RAD51B: variants seen among roughly 807,000 people sequenced by gnomAD.
The protein encoded by RAD51B is DNA repair protein RAD51 homolog 2.
RAD51B carries 38 observed loss-of-function variants against 42.2 expected under a neutral mutation model. That is an observed-to-expected ratio of 0.90 (90% CI 0.70 to 1.18). RAD51B has a LOEUF of 1.18. Among genes scored for constraint, RAD51B ranks in the 50% most tolerant of loss-of-function variants. The pLI, the probability that RAD51B is intolerant of heterozygous loss-of-function variation, is 0.00. For synonymous variants in RAD51B, 154 were observed against 145.2 expected (o/e 1.06, Z -0.43); for missense variants, 373 against 400.7 (o/e 0.93, Z 0.59).
intron 7 of RAD51B, among the ~76,000 whole-genome samples, chr14:68,118,016 C>A (rs534186018): frequency 6.6e-6 from 1 of 152,292 alleles, no homozygotes; most frequent in East Asian, 1.9e-4. Flanking sequence ...AGATTACTGA[C>A]CTTTTCACTA....
At chr14:68,504,815 G>A (rs1885192618) in intron 10 of RAD51B, among the ~76,000 whole-genome samples, 1 of 149,318 alleles carries the variant, frequency 6.7e-6, no homozygotes, top group Non-Finnish European at 1.5e-5. Context: ...CTAGACACTG[G>A]AGCCCAATCT....
At chr14:68,422,141 T>C in intron 9 of RAD51B, 1 of 1,387,920 alleles carries the variant, frequency 7.2e-7, no homozygotes, top group Non-Finnish European at 1.0e-6. Flanking sequence ...GAAGGAGACA[T>C]GGCCCAAGGG....
At chr14:68,597,450 T>C (rs1891047591), downstream of RAD51B, among the ~76,000 whole-genome samples, 1 of 152,220 alleles carries the variant, frequency 6.6e-6, no homozygotes, top group South Asian at 2.1e-4. Flanking sequence ...CACTATGGAA[T>C]ACTATGCAGC....
chr14:68,304,005 A>G (rs757085154), intron 8 of RAD51B, among the ~76,000 whole-genome samples: 9 of 152,200 alleles, frequency 5.9e-5, no homozygotes, highest in Admixed American at 6.5e-5. Flanking sequence ...CACCATCTCT[A>G]TGAAAAATAC....
intron 7 of RAD51B, among the ~76,000 whole-genome samples, chr14:68,287,173 G>T (rs990266261): frequency 1.3e-5 from 2 of 152,162 alleles, no homozygotes; most frequent in Non-Finnish European, 2.9e-5. Flanking sequence ...CTACTGGGTG[G>T]TCTATGAATC....
In RAD51B at chr14:68,129,236, C is replaced by T. The variant is rs189276784; in HGVS notation, c.757-162648C>T. ...TCAAGCCTCTTTCTACTATACCTTA[C>T]GAGTTTTCTTTGTATACTGAGGTAG... On this transcript the variant is annotated intron_variant, in intron 7 of 10. Transcript: ENST00000471583. 2.7e-4 allele frequency among the ~76,000 whole-genome samples: 41 copies of T among 152,262 alleles called. 1 individual carries two copies. The highest frequency in any genetic ancestry group is 2.4e-3 in the Admixed American group (37 of 15,296).
At chr14:67,968,037 T>C (rs1326994048) in intron 7 of RAD51B, among the ~76,000 whole-genome samples, 2 of 152,266 alleles carry the variant, frequency 1.3e-5, no homozygotes, top group Non-Finnish European at 2.9e-5. Context: ...TCTTGACTTC[T>C]GTGCACCTGC....
chr14:67,946,068 A>G (rs193218798), intron 7 of RAD51B, among the ~76,000 whole-genome samples: 41 of 152,266 alleles, frequency 2.7e-4, no homozygotes, highest in African/African-American at 9.6e-4. Context: ...AAGAACTGTA[A>G]TCTTGAGATG....
intron 11 of RAD51B, among the ~76,000 whole-genome samples, chr14:68,670,174 C>A (rs867933712): frequency 6.6e-6 from 1 of 152,176 alleles, no homozygotes; most frequent in Admixed American, 6.5e-5. Context: ...CCGACCCTTC[C>A]TTGTGACGGG....
intron 7 of RAD51B, among the ~76,000 whole-genome samples, chr14:68,128,847 A>G (rs2077827675): frequency 6.6e-6 from 1 of 152,232 alleles, no homozygotes; most frequent in African/African-American, 2.4e-5. Flanking sequence ...CTATTTTAAA[A>G]GAGTTAACAT....
chr14:68,639,323 T>C (rs1189766337), intron 10 of RAD51B, among the ~76,000 whole-genome samples: 1 of 152,204 alleles, frequency 6.6e-6, no homozygotes, highest in Non-Finnish European at 1.5e-5. Context: ...CTTCAACATG[T>C]GGCTCCACGG....
At chr14:68,082,833 CA>C (rs2076931983) in intron 7 of RAD51B, among the ~76,000 whole-genome samples, 1 of 152,124 alleles carries the variant, frequency 6.6e-6, no homozygotes, top group Admixed American at 6.6e-5. Context: ...TCTGAGCCTA[CA>C]TATTAGTGCC....
At chr14:67,980,097 C>T (rs935771105) in intron 7 of RAD51B, among the ~76,000 whole-genome samples, 37 of 151,888 alleles carry the variant, frequency 2.4e-4, no homozygotes, top group African/African-American at 8.0e-4. Flanking sequence ...ATAAAAATTC[C>T]TTAATTTTAT....
chr14:68,232,845 C>G (rs181861339), intron 7 of RAD51B, among the ~76,000 whole-genome samples: 1 of 152,278 alleles, frequency 6.6e-6, no homozygotes, highest in Non-Finnish European at 1.5e-5. Flanking sequence ...TCAAATCTCT[C>G]CAAGTTGATT....
At chr14:68,044,184 A>G (rs552476620) in intron 7 of RAD51B, among the ~76,000 whole-genome samples, 41 of 152,362 alleles carry the variant, frequency 2.7e-4, no homozygotes, top group African/African-American at 9.4e-4. Context: ...AGCGTCCATC[A>G]GGAAAAGAAA....
At chr14:68,277,052 T>C (rs1465359858) in intron 7 of RAD51B, among the ~76,000 whole-genome samples, 5 of 152,308 alleles carry the variant, frequency 3.3e-5, no homozygotes, top group Admixed American at 3.3e-4. Context: ...ATATAAACTT[T>C]ACTCTTTAAC....
At chr14:67,969,021 A>G (rs1006055696) in intron 7 of RAD51B, among the ~76,000 whole-genome samples, 2 of 152,188 alleles carry the variant, frequency 1.3e-5, no homozygotes, top group Non-Finnish European at 2.9e-5. Flanking sequence ...TGGCAAGAGA[A>G]AAAAATGAGA....
chr14:67,931,147 G>A (rs372198571), intron 7 of RAD51B, among the ~76,000 whole-genome samples: 2 of 151,838 alleles, frequency 1.3e-5, no homozygotes, highest in African/African-American at 4.8e-5. Context: ...GGTCTCAATC[G>A]CCTGACCTCG....
intron 7 of RAD51B, among the ~76,000 whole-genome samples, chr14:67,936,788 G>A (rs2044971171): frequency 6.6e-6 from 1 of 152,160 alleles, no homozygotes; most frequent in South Asian, 2.1e-4. Context: ...TGCTTGTGAA[G>A]TGGTTATGTC....
Sources: gnomAD v4.1 joint callset for allele counts (sites outside exome capture counted in the v4.1 genomes callset) on GRCh38, gnomAD v4.1.1 for gene constraint, MANE v1.5 for transcripts, NCBI Gene and HGNC (gene_info 2026-07-23, HGNC 2026-07-21) for gene names.